CSMD1: variants seen among roughly 807,000 people sequenced by gnomAD.
The protein encoded by CSMD1 is CUB and Sushi multiple domains 1, also known as CUB and sushi domain-containing protein 1.
A neutral mutation model predicts 417.5 loss-of-function variants in CSMD1; 213 were observed. The ratio of observed to expected loss-of-function variants is 0.51; its 90% CI spans 0.46 to 0.57. CSMD1 has a LOEUF of 0.57. Ranked by LOEUF, CSMD1 falls within the 20% of genes least tolerant of loss-of-function variation. CSMD1 has a pLI of 0.00. For synonymous variants in CSMD1, 2,862 were observed against 1,736.8 expected (o/e 1.65, Z -16.11); for missense variants, 6,923 against 4,529.7 (o/e 1.53, Z -15.17).
intron 3 of CSMD1, among the ~76,000 whole-genome samples, chr8:4,180,153 G>A (rs1014092179): frequency 5.5e-4 from 83 of 152,064 alleles, no homozygotes; most frequent in African/African-American, 1.9e-3. Context: ...CACTATTCAC[G>A]ACAGCAAAGA....
At chr8:4,793,958 G>C (rs1371642076) in intron 1 of CSMD1, among the ~76,000 whole-genome samples, 2 of 152,038 alleles carry the variant, frequency 1.3e-5, no homozygotes, top group Admixed American at 6.6e-5. Flanking sequence ...TGGCACTTCT[G>C]TTAGGAATAG....
intron 5 of CSMD1, among the ~76,000 whole-genome samples, chr8:3,954,094 C>G (rs748698435): frequency 6.6e-6 from 1 of 151,852 alleles, no homozygotes; most frequent in Non-Finnish European, 1.5e-5. Context: ...CGTGCAGGGG[C>G]CTAGGAACGT....
At chr8:3,685,677 T>C (rs1047213211) in intron 7 of CSMD1, among the ~76,000 whole-genome samples, 1 of 152,134 alleles carries the variant, frequency 6.6e-6, no homozygotes, top group Non-Finnish European at 1.5e-5. Context: ...AGGAAGGAAG[T>C]CAAAGAAAAT....
intron 10 of CSMD1, among the ~76,000 whole-genome samples, chr8:3,496,298 G>T (rs1264492748): frequency 6.6e-6 from 1 of 152,130 alleles, no homozygotes; most frequent in Non-Finnish European, 1.5e-5. Flanking sequence ...CATTCCCTGT[G>T]TTGGCAGTTT....
chr8:3,365,969 G>T (rs1293058688), intron 20 of CSMD1, among the ~76,000 whole-genome samples: 1 of 152,158 alleles, frequency 6.6e-6, no homozygotes, highest in East Asian at 1.9e-4. Flanking sequence ...GTTTTGGTTT[G>T]GGAGATAAGA....
chr8:4,324,147 C>A (rs1480476911), intron 3 of CSMD1, among the ~76,000 whole-genome samples: 1 of 152,190 alleles, frequency 6.6e-6, no homozygotes, highest in Non-Finnish European at 1.5e-5. Flanking sequence ...GTGCAATTAT[C>A]AATGCTGACA....
rs916808857 is a variant in CSMD1 at position 4,601,181 on chromosome 8, C to G, written c.302+36161G>C. ...TGTTGGTCAGGCTGGTCTCGAACTCCTAACCTCAGATGATCCCCCACACTT... is the reference window on the plus strand; with the variant it reads ...TGTTGGTCAGGCTGGTCTCGAACTCGTAACCTCAGATGATCCCCCACACTT... On this transcript the variant is annotated intron_variant, in intron 2 of 69. Transcript: ENST00000635120. Among the ~76,000 whole-genome samples the G allele has an allele frequency of 1.3e-4, 20 of 152,272 alleles. 1 individual carries two copies. In the South Asian group the frequency reaches 4.1e-3, roughly 32 times the overall value.
intron 3 of CSMD1, among the ~76,000 whole-genome samples, chr8:4,086,577 C>T (rs944506251): frequency 5.3e-5 from 8 of 152,176 alleles, no homozygotes; most frequent in Non-Finnish European, 1.0e-4. Context: ...ATCCAATCTC[C>T]TCTACTGATG....
chr8:4,252,436 G>C (rs1047603636), intron 3 of CSMD1, among the ~76,000 whole-genome samples: 1 of 152,178 alleles, frequency 6.6e-6, no homozygotes, highest in Non-Finnish European at 1.5e-5. Context: ...AAATAAACTC[G>C]AGGGGACCTG....
At chr8:3,983,389 C>A (rs1241207068) in intron 5 of CSMD1, among the ~76,000 whole-genome samples, 2 of 152,076 alleles carry the variant, frequency 1.3e-5, no homozygotes, top group Non-Finnish European at 2.9e-5. Context: ...CTTGCCCTCC[C>A]AAATTGCTGG....
chr8:3,175,324 A>T (rs769967191), intron 37 of CSMD1, among the ~76,000 whole-genome samples: 19 of 152,150 alleles, frequency 1.2e-4, no homozygotes, highest in Non-Finnish European at 2.5e-4. Flanking sequence ...TCATAACCAC[A>T]AATCACTGAT....
At chr8:4,009,919 GT>G (rs1313382219) in intron 4 of CSMD1, among the ~76,000 whole-genome samples, 1 of 151,832 alleles carries the variant, frequency 6.6e-6, no homozygotes, top group Non-Finnish European at 1.5e-5. Context: ...AAAAGCCCTG[GT>G]CTCCTCTGTC....
At chr8:4,780,244 C>A (rs1350541225) in intron 1 of CSMD1, among the ~76,000 whole-genome samples, 1 of 152,200 alleles carries the variant, frequency 6.6e-6, no homozygotes, top group South Asian at 2.1e-4. Context: ...TATGACTGCC[C>A]TGAAGGTGTG....
At chr8:4,346,234 G>C (rs186159945) in intron 3 of CSMD1, among the ~76,000 whole-genome samples, 8 of 152,140 alleles carry the variant, frequency 5.3e-5, no homozygotes, top group African/African-American at 1.7e-4. Flanking sequence ...TTTATATTTT[G>C]AAATGACTAA....
At chr8:4,961,627 T>C (rs191215987) in intron 1 of CSMD1, among the ~76,000 whole-genome samples, 4 of 152,312 alleles carry the variant, frequency 2.6e-5, no homozygotes, top group Non-Finnish European at 1.5e-5. Flanking sequence ...CTCAAACTTT[T>C]GTATGAGCTC....
intron 5 of CSMD1, among the ~76,000 whole-genome samples, chr8:3,890,180 G>C (rs888155018): frequency 6.6e-6 from 1 of 152,062 alleles, no homozygotes; most frequent in East Asian, 1.9e-4. Flanking sequence ...GATAACTAAA[G>C]TATCATATTC....
At chr8:3,240,874 G>C (rs13252404) in intron 26 of CSMD1, among the ~76,000 whole-genome samples, 2 of 151,814 alleles carry the variant, frequency 1.3e-5, no homozygotes, top group East Asian at 3.9e-4. Context: ...ATTGTAAGGA[G>C]AGTTTATAGG....
chr8:3,454,681 A>C (rs1323176627), intron 12 of CSMD1, among the ~76,000 whole-genome samples: 4 of 152,188 alleles, frequency 2.6e-5, no homozygotes, highest in Non-Finnish European at 4.4e-5. Flanking sequence ...CGGAGAGATC[A>C]GCTGTTAGTC....
chr8:4,355,975 A>C (rs188049511), intron 3 of CSMD1, among the ~76,000 whole-genome samples: 1,915 of 151,810 alleles, frequency 0.013, 34 homozygotes, highest in African/African-American at 0.043. Context: ...GTTCTTTCTT[A>C]TTTTTTCATG....
Sources: allele counts gnomAD v4.1 joint callset (sites outside exome capture counted in the v4.1 genomes callset), GRCh38; gene constraint gnomAD v4.1.1; transcripts MANE v1.5; gene names NCBI Gene and HGNC (gene_info 2026-07-23, HGNC 2026-07-21).